Variants in TLN2 observed in about 807,000 individuals in gnomAD.
TLN2 encodes the protein talin-2.
A neutral mutation model predicts 294.7 loss-of-function variants in TLN2; 118 were observed. The ratio of observed to expected loss-of-function variants is 0.40; its 90% CI spans 0.34 to 0.47. The LOEUF (loss-of-function observed/expected upper bound fraction) is 0.47. Among genes scored for constraint, TLN2 ranks in the 20% least tolerant of loss-of-function variants. The pLI is 0.84. For missense variants in TLN2, 3,083 were observed against 3,282.2 expected (o/e 0.94, Z 1.48); for synonymous variants, 1,431 against 1,304.5 (o/e 1.10, Z -2.09).
chr15:62,522,774 G>A (rs577229052), intron 1 of TLN2, among the ~76,000 whole-genome samples: 6 of 147,624 alleles, frequency 4.1e-5, no homozygotes, highest in South Asian at 2.1e-4. Flanking sequence ...ACTCCCAGGC[G>A]TCAATTTCAG....
intron 1 of TLN2, among the ~76,000 whole-genome samples, chr15:62,507,903 A>G (rs571444171): frequency 2.0e-5 from 3 of 152,300 alleles, no homozygotes; most frequent in Admixed American, 1.3e-4. Context: ...TCATAACTGT[A>G]TGTGAGATAT....
chr15:62,596,647 C>T (rs978716178), intron 2 of TLN2, among the ~76,000 whole-genome samples: 2 of 150,760 alleles, frequency 1.3e-5, no homozygotes, highest in Non-Finnish European at 2.9e-5. Context: ...CTGAGGCACG[C>T]GAATGGCTTG....
At chr15:62,794,482 T>C (rs939279773) in intron 46 of TLN2, among the ~76,000 whole-genome samples, 12 of 152,174 alleles carry the variant, frequency 7.9e-5, no homozygotes, top group Non-Finnish European at 1.0e-4. Context: ...CTCTTTTTCT[T>C]TCACCTTGGC....
chr15:62,500,600 G>A (rs148099801), intron 1 of TLN2, among the ~76,000 whole-genome samples: 181 of 152,258 alleles, frequency 1.2e-3, no homozygotes, highest in African/African-American at 4.1e-3. Context: ...CTTATAGTAG[G>A]CAAATGTAAA....
chr15:62,771,542 T>A (rs1254408426), intron 42 of TLN2, among the ~76,000 whole-genome samples: 2 of 152,204 alleles, frequency 1.3e-5, no homozygotes, highest in African/African-American at 2.4e-5. Flanking sequence ...AAATCTCCCA[T>A]ACCAGTTTGC....
chr15:62,818,405 A>T (rs74020675), intron 52 of TLN2, among the ~76,000 whole-genome samples: 123 of 152,310 alleles, frequency 8.1e-4, no homozygotes, highest in African/African-American at 2.8e-3. Context: ...TGAGGAAGGG[A>T]TAGGATGGTG....
intron 3 of TLN2, among the ~76,000 whole-genome samples, chr15:62,642,484 G>A (rs2051237142): frequency 6.6e-6 from 1 of 152,218 alleles, no homozygotes; most frequent in African/African-American, 2.4e-5. Context: ...ACCAGTTGCA[G>A]GCTTTGCTGC....
chr15:62,404,508 G>A (rs527297110), intron 1 of TLN2, among the ~76,000 whole-genome samples: 14 of 152,206 alleles, frequency 9.2e-5, no homozygotes, highest in Non-Finnish European at 1.9e-4. Flanking sequence ...CCCTCTCTGC[G>A]CTGCTTTCAG....
Position 62,805,666 on chromosome 15 carries a change from G to A in TLN2, c.6544G>A (p.Gly2182Ser). Residue 2182 changes from glycine to serine, a missense_variant, in exon 51 of 59, where the codon GGC becomes AGC. Coordinates refer to ENST00000636159, the MANE Select transcript of TLN2 (RefSeq NM_015059.3). ...SPEESIRMTK[G>S]ITMATAKAVA... ...TGAAGAATCCATAAGGATGACGAAAGGCATCACCATGGCAACAGCCAAAGC... is the reference window on the plus strand; with the variant it reads ...TGAAGAATCCATAAGGATGACGAAAAGCATCACCATGGCAACAGCCAAAGC... 4 of 1,614,120 alleles carry A rather than the reference G, an allele frequency of 2.5e-6. No individual in the cohort carries two copies. Among genetic ancestry groups the A allele is most frequent in the Non-Finnish European group, 3.4e-6 (4 of 1,180,004 alleles).
At chr15:62,755,834 A>G in intron 37 of TLN2, 141 bp downstream of exon 37, 1 of 1,163,668 alleles carries the variant, frequency 8.6e-7, no homozygotes, top group East Asian at 2.6e-5. Flanking sequence ...GTGTCACTGA[A>G]TAGGCATCCC....
rs148796190 is a variant in TLN2 at position 62,738,363 on chromosome 15, C to A, written c.3687+30C>A. 1.3e-3 allele frequency: 2,070 copies of A among 1,612,378 alleles called. 3 individuals are homozygous for A. Among genetic ancestry groups the A allele is most frequent in the Middle Eastern group, 4.5e-3 (27 of 6,038 alleles). On this transcript the variant is annotated intron_variant, in intron 30 of 58. Coordinates refer to ENST00000636159, the MANE Select transcript of TLN2 (RefSeq NM_015059.3). ...GAGGTTCTTAGATTGAGAAAGGACA[C>A]TGGGGGACTAGGCTCGCGTTAGGTG...
At chr15:62,599,754 G>C (rs562778623) in intron 2 of TLN2, among the ~76,000 whole-genome samples, 3 of 152,264 alleles carry the variant, frequency 2.0e-5, no homozygotes, top group African/African-American at 4.8e-5. Context: ...CGGATGCTTG[G>C]TTCATTTGCC....
chr15:62,645,528 C>T (rs960361547), intron 3 of TLN2, among the ~76,000 whole-genome samples: 3 of 152,212 alleles, frequency 2.0e-5, no homozygotes, highest in East Asian at 3.9e-4. Context: ...TTCACCAAAG[C>T]ATCTGTTGAA....
chr15:62,425,458 C>T (rs190685377), intron 1 of TLN2, among the ~76,000 whole-genome samples: 1 of 152,290 alleles, frequency 6.6e-6, no homozygotes, highest in Admixed American at 6.5e-5. Context: ...CAGTGAGGGG[C>T]ATTGACTTCA....
At chr15:62,505,264 T>C (rs1017503536) in intron 1 of TLN2, among the ~76,000 whole-genome samples, 1 of 152,128 alleles carries the variant, frequency 6.6e-6, no homozygotes, top group Non-Finnish European at 1.5e-5. Context: ...GCCAAAAACA[T>C]GTTTCTTACT....
chr15:62,415,844 T>TG (rs1350194248), intron 1 of TLN2, among the ~76,000 whole-genome samples: 1 of 152,216 alleles, frequency 6.6e-6, no homozygotes, highest in South Asian at 2.1e-4. Flanking sequence ...CTCGGAGTTG[T>TG]GGGGGGTAGC....
chr15:62,811,397 G>T (rs1008236812), intron 52 of TLN2, among the ~76,000 whole-genome samples: 5 of 152,214 alleles, frequency 3.3e-5, no homozygotes, highest in Admixed American at 1.3e-4. Context: ...AAAGTGTTCA[G>T]TCTGTAAGTG....
At position 62,675,306 on chromosome 15, in the gene TLN2, C is replaced by A. The variant is rs2056046144; in HGVS notation, c.942C>A (p.Ser314=). ...LARSLRTYGV[S]FFLVKEKMKG... ...GGTCCCTCCGCACATATGGCGTGTC[C>A]TTCTTCCTGGTGAAGGTGAGTTGGG... is the stretch of plus-strand genomic sequence containing the variant. Residue 314 remains serine, a synonymous_variant, in exon 11 of 59, where the codon TCC becomes TCA. Coordinates refer to ENST00000636159, the MANE Select transcript of TLN2 (RefSeq NM_015059.3). 6.2e-7 allele frequency: 1 copy of A among 1,614,112 alleles called. No homozygotes were observed. The highest frequency in any genetic ancestry group is 1.3e-5 in the African/African-American group (1 of 74,940).
At position 62,825,793 on chromosome 15, in the gene TLN2, A is replaced by AT. The variant is rs71131130; in HGVS notation, c.7002+5183_7002+5184insT. On this transcript the variant is annotated intron_variant, in intron 54 of 58. Coordinates refer to ENST00000636159, the MANE Select transcript of TLN2 (RefSeq NM_015059.3). ...TATTATATAATATATTATATATTAT[A>AT]ATATATATTATATATTATATTATAA... Among the ~76,000 whole-genome samples, 37 of 9,328 alleles carry AT rather than the reference A, an allele frequency of 4.0e-3. 1 individual carries two copies. The highest frequency in any genetic ancestry group is 7.9e-3 in the African/African-American group (34 of 4,298). 6.1% of individuals were successfully genotyped at this position (9,328 alleles called of 152,430 possible).
Sources: allele counts gnomAD v4.1 joint callset (sites outside exome capture counted in the v4.1 genomes callset), GRCh38; gene constraint gnomAD v4.1.1; transcripts MANE v1.5; gene names NCBI Gene and HGNC (gene_info 2026-07-23, HGNC 2026-07-21).